The following SH3RF3 variants were observed in gnomAD, a reference collection of about 807,000 sequenced individuals.
SH3RF3 encodes SH3 domain containing ring finger 3, also known as E3 ubiquitin-protein ligase SH3RF3.
A neutral mutation model predicts 66.3 loss-of-function variants in SH3RF3; 29 were observed. The ratio of observed to expected loss-of-function variants is 0.44; its 90% CI spans 0.33 to 0.60. The LOEUF (loss-of-function observed/expected upper bound fraction) is 0.60, where lower values mean the gene tolerates loss of function less well. SH3RF3 is among the 20% of genes least tolerant of loss of function. SH3RF3 has a pLI of 0.04. For synonymous variants in SH3RF3, 583 were observed against 532.0 expected (o/e 1.10, Z -1.32); for missense variants, 1,194 against 1,190.9 (o/e 1.00, Z -0.04).
intron 3 of SH3RF3, among the ~76,000 whole-genome samples, chr2:109,381,593 CT>C (rs1182605990): frequency 6.6e-6 from 1 of 152,014 alleles, no homozygotes. Flanking sequence ...CCTTTCACTT[CT>C]ACCTTTCCTG....
At chr2:109,170,591 C>T (rs1677756207) in intron 1 of SH3RF3, among the ~76,000 whole-genome samples, 1 of 152,094 alleles carries the variant, frequency 6.6e-6, no homozygotes, top group African/African-American at 2.4e-5. Flanking sequence ...ACCTCGTGAT[C>T]CACCCGCCTC....
intron 1 of SH3RF3, among the ~76,000 whole-genome samples, chr2:109,215,313 C>T (rs1205218403): frequency 6.6e-6 from 1 of 152,138 alleles, no homozygotes; most frequent in Non-Finnish European, 1.5e-5. Flanking sequence ...CTTCATTATA[C>T]AATTGTTTTG....
At chr2:109,188,772 G>A (rs1041503710) in intron 1 of SH3RF3, among the ~76,000 whole-genome samples, 44 of 152,260 alleles carry the variant, frequency 2.9e-4, no homozygotes, top group Non-Finnish European at 6.0e-4. Context: ...GAAGCCAAGC[G>A]TTACACTTTG....
In SH3RF3 at chr2:109,490,608, G is replaced by A. The variant is rs2104381621; in HGVS notation, c.2152G>A (p.Glu718Lys). 6.9e-7 allele frequency: 1 copy of A among 1,439,306 alleles called. No homozygotes were observed. The highest frequency in any genetic ancestry group is 9.1e-7 in the Non-Finnish European group (1 of 1,094,184). The allele number at this position is 1,439,306 out of a possible 1,614,324, so 89.2% of individuals were successfully genotyped here. ...TCCATCTTGTGTGTCTCCCCAGAAA[G>A]AGAAGAAGAGTGGGCTCCTGAAGCT... ...KLDEKKSEKK[E>K]KKSGLLKLLA... Residue 718 changes from glutamate (E) to lysine (K), a missense_variant, in exon 9 of 10, where the codon GAG (glutamate) becomes AAG (lysine). Glu to Lys is a moderately conservative substitution (Grantham distance 56). Transcript: ENST00000309415.
intron 1 of SH3RF3, among the ~76,000 whole-genome samples, chr2:109,257,693 C>T (rs1459726317): frequency 6.6e-6 from 1 of 152,150 alleles, no homozygotes; most frequent in Non-Finnish European, 1.5e-5. Flanking sequence ...ACGTTCATTA[C>T]CTGTTTCCTG....
chr2:109,349,100 A>G (rs919323533), intron 2 of SH3RF3, among the ~76,000 whole-genome samples: 2 of 152,118 alleles, frequency 1.3e-5, no homozygotes, highest in Non-Finnish European at 2.9e-5. Context: ...CTCTGCTTCT[A>G]AAGCCCACAT....
At chr2:109,226,141 T>A (rs1390651542) in intron 1 of SH3RF3, among the ~76,000 whole-genome samples, 31 of 152,222 alleles carry the variant, frequency 2.0e-4, no homozygotes, top group Admixed American at 2.0e-3. Flanking sequence ...GAGGAGGTTG[T>A]CCCCAAATAG....
intron 5 of SH3RF3, among the ~76,000 whole-genome samples, chr2:109,427,560 C>T (rs991467743): frequency 2.0e-5 from 3 of 152,166 alleles, no homozygotes; most frequent in Non-Finnish European, 4.4e-5. Flanking sequence ...CAGGTGAGGC[C>T]AGTACCACTG....
intron 1 of SH3RF3, among the ~76,000 whole-genome samples, chr2:109,286,917 T>A (rs943779800): frequency 6.6e-6 from 1 of 152,200 alleles, no homozygotes; most frequent in African/African-American, 2.4e-5. Flanking sequence ...AGTCTGCATC[T>A]GAAAAGACAG....
At chr2:109,423,975 G>T (rs1328095633) in intron 5 of SH3RF3, among the ~76,000 whole-genome samples, 2 of 152,230 alleles carry the variant, frequency 1.3e-5, no homozygotes, top group African/African-American at 4.8e-5. Context: ...CATAGACCCT[G>T]GCGGGCAAAG....
chr2:109,327,314 C>T (rs1416777351), intron 1 of SH3RF3, among the ~76,000 whole-genome samples: 1 of 152,174 alleles, frequency 6.6e-6, no homozygotes, highest in Non-Finnish European at 1.5e-5. Flanking sequence ...TTCCCTGCCG[C>T]TGGTAAATCA....
intron 5 of SH3RF3, among the ~76,000 whole-genome samples, chr2:109,432,126 GA>G (rs1269423984): frequency 6.6e-6 from 1 of 152,180 alleles, no homozygotes; most frequent in Non-Finnish European, 1.5e-5. Context: ...TTTAGAAGAG[GA>G]AAACACTGGA....
chr2:109,408,479 A>G (rs1041485347), intron 4 of SH3RF3, among the ~76,000 whole-genome samples: 7 of 152,226 alleles, frequency 4.6e-5, no homozygotes, highest in African/African-American at 1.7e-4. Flanking sequence ...ATCTGGATGC[A>G]GTGTGGGTTT....
intron 8 of SH3RF3, among the ~76,000 whole-genome samples, chr2:109,475,233 T>C (rs901068865): frequency 6.6e-6 from 1 of 152,200 alleles, no homozygotes; most frequent in Non-Finnish European, 1.5e-5. Context: ...CGCCTCGGCC[T>C]CCCAAAGTGC....
chr2:109,234,338 T>G (rs1021573141), intron 1 of SH3RF3, among the ~76,000 whole-genome samples: 2 of 152,196 alleles, frequency 1.3e-5, no homozygotes, highest in African/African-American at 4.8e-5. Flanking sequence ...AACTGTTTCT[T>G]TATTGCAGGA....
At position 109,258,588 on chromosome 2, in the gene SH3RF3, G is replaced by A. The variant is rs959068194; in HGVS notation, c.574-89086G>A. ...CACTAGGAATCCAGTCAGTCATCCC[G>A]CAATTCCCCAGGCCGGGCCACAGCT... On this transcript the variant is annotated intron_variant, in intron 1 of 9. Coordinates refer to ENST00000309415, the MANE Select transcript of SH3RF3 (RefSeq NM_001099289.3). Among the ~76,000 whole-genome samples, 7 of 152,192 alleles carry A rather than the reference G, an allele frequency of 4.6e-5. No individual in the cohort carries two copies. The South Asian group carries it at 1.0e-3, about 22-fold the overall frequency.
intron 1 of SH3RF3, among the ~76,000 whole-genome samples, chr2:109,301,541 C>G (rs1189381628): frequency 6.6e-6 from 1 of 152,070 alleles, no homozygotes; most frequent in East Asian, 1.9e-4. Context: ...ACCAGGGTGC[C>G]CAGAGCCCAT....
intron 2 of SH3RF3, among the ~76,000 whole-genome samples, chr2:109,360,221 T>C (rs911862256): frequency 6.6e-6 from 1 of 152,244 alleles, no homozygotes; most frequent in Non-Finnish European, 1.5e-5. Context: ...TCTGAACATG[T>C]AATTTTTTTC....
At chr2:109,209,522 A>G (rs1678919210) in intron 1 of SH3RF3, among the ~76,000 whole-genome samples, 1 of 152,168 alleles carries the variant, frequency 6.6e-6, no homozygotes, top group African/African-American at 2.4e-5. Flanking sequence ...AAGGGAGGCG[A>G]GAACTGTGCA....
Sources: gnomAD v4.1 joint callset for allele counts (sites outside exome capture counted in the v4.1 genomes callset) on GRCh38, gnomAD v4.1.1 for gene constraint, MANE v1.5 for transcripts, NCBI Gene and HGNC (gene_info 2026-07-23, HGNC 2026-07-21) for gene names.